The following CLHC1 variants were observed in gnomAD, a reference collection of about 807,000 sequenced individuals.
The protein encoded by CLHC1 is clathrin heavy chain linker domain-containing protein 1.
In CLHC1, 72 loss-of-function variants were observed where a neutral mutation model predicts 69.5. That is an observed-to-expected ratio of 1.04 (90% confidence interval 0.86 to 1.26). The LOEUF is 1.26. CLHC1 is among the 50% of genes most tolerant of loss of function. The probability of loss-of-function intolerance (pLI) is 0.00; values close to 1 mark genes in which losing one functional copy is unlikely to be tolerated. For synonymous variants in CLHC1, 223 were observed against 224.3 expected (o/e 0.99, Z 0.05); for missense variants, 790 against 679.3 (o/e 1.16, Z -1.81).
intron 9 of CLHC1, among the ~76,000 whole-genome samples, chr2:55,187,753 G>T (rs932076924): frequency 6.6e-6 from 1 of 152,072 alleles, no homozygotes; most frequent in African/African-American, 2.4e-5. Flanking sequence ...ATGACTTAGG[G>T]TAGGGAAGGA....
rs1478050755 is a variant in CLHC1, at chr2:55,174,132, G to A, written c.*1658C>T. 5.9e-5 allele frequency among the ~76,000 whole-genome samples: 9 copies of A among 151,956 alleles called. No individual in the cohort carries two copies. The highest frequency in any genetic ancestry group is 1.3e-4 in the Non-Finnish European group (9 of 68,022). ...ATCTGCTCTTTTCAACAGCCTGTAT[G>A]AAGGCCAAAAATCAAAATATTATTT... On this transcript the variant is annotated 3_prime_UTR_variant, in exon 13 of 13. Transcript: ENST00000401408.
At chr2:55,222,574 AG>A (rs1419986509) in intron 2 of CLHC1, 81 bp from the exon 3 acceptor site, 7 of 554,760 alleles carry the variant, frequency 1.3e-5, no homozygotes, top group Admixed American at 3.5e-5. Flanking sequence ...TATTTTTTTT[AG>A]AAAAAAATTT....
At chr2:55,213,175 G>C (rs1266061877) in intron 4 of CLHC1, among the ~76,000 whole-genome samples, 4 of 152,170 alleles carry the variant, frequency 2.6e-5, no homozygotes, top group Admixed American at 2.6e-4. Flanking sequence ...ACAAACAACA[G>C]AAATTTATTC....
intron 8 of CLHC1, 67 bp downstream of exon 8, chr2:55,208,558 GT>G: frequency 1.1e-6 from 1 of 934,796 alleles, no homozygotes; most frequent in South Asian, 1.4e-5. Flanking sequence ...TCCCAATCTG[GT>G]ATGTTATTCA....
At chr2:55,224,339 TG>T in intron 2 of CLHC1, 1 of 459,090 alleles carries the variant, frequency 2.2e-6, no homozygotes, top group Non-Finnish European at 4.5e-6. Flanking sequence ...CTCCACGCCT[TG>T]ACAGCTCCCT....
intron 9 of CLHC1, among the ~76,000 whole-genome samples, chr2:55,204,960 TTGGG>T (rs1192590372): frequency 2.0e-5 from 3 of 150,940 alleles, no homozygotes; most frequent in African/African-American, 7.3e-5. Context: ...GGTGGGGGAG[TTGGG>T]CTGTTTAATG....
intron 4 of CLHC1, among the ~76,000 whole-genome samples, chr2:55,214,226 T>G (rs1049821133): frequency 3.3e-5 from 5 of 152,146 alleles, no homozygotes; most frequent in Non-Finnish European, 5.9e-5. Flanking sequence ...AAAACAAGTT[T>G]GGGCTGGGCG....
At chr2:55,213,860 A>G (rs1673236420) in intron 4 of CLHC1, among the ~76,000 whole-genome samples, 4 of 152,232 alleles carry the variant, frequency 2.6e-5, no homozygotes, top group Admixed American at 2.6e-4. Flanking sequence ...GACATGGGCA[A>G]GTGGGAAGTG....
intron 1 of CLHC1, among the ~76,000 whole-genome samples, chr2:55,229,872 C>A (rs11125560): frequency 2.0e-5 from 3 of 152,212 alleles, no homozygotes; most frequent in East Asian, 1.9e-4. Context: ...TCGGGAGTTC[C>A]AGACCAGCCT....
At chr2:55,205,805 G>C (rs573781536) in intron 9 of CLHC1, 2 of 152,660 alleles carry the variant, frequency 1.3e-5, no homozygotes, top group Non-Finnish European at 2.9e-5. Flanking sequence ...TGAAACGGGA[G>C]AATCGTTTGA....
At chr2:55,221,120 T>A (rs1289145678) in intron 3 of CLHC1, among the ~76,000 whole-genome samples, 2 of 152,206 alleles carry the variant, frequency 1.3e-5, no homozygotes, top group Non-Finnish European at 2.9e-5. Context: ...TAGTGTGTAA[T>A]GTTTAAAAAT....
chr2:55,204,896 T>A (rs1352157600), intron 9 of CLHC1, among the ~76,000 whole-genome samples: 1 of 152,060 alleles, frequency 6.6e-6, no homozygotes. Context: ...ATTGAACTCA[T>A]GAACACAGTA....
At chr2:55,203,202 G>A (rs1462798675) in intron 9 of CLHC1, among the ~76,000 whole-genome samples, 4 of 152,278 alleles carry the variant, frequency 2.6e-5, no homozygotes, top group East Asian at 3.9e-4. Context: ...TCATGGATTG[G>A]AAGAATCAGT....
At position 55,175,458 on chromosome 2, in the gene CLHC1, C is replaced by T. The variant is rs1573567174; in HGVS notation, c.*332G>A. On this transcript the variant is annotated 3_prime_UTR_variant, in exon 13 of 13. Coordinates refer to ENST00000401408, the MANE Select transcript of CLHC1 (RefSeq NM_152385.4). ...CACAGGATACTACCCACACCTTCCT[C>T]AGTTCTTGCTATCATATTACATCAC... The T allele has an allele frequency of 4.5e-6, 1 of 219,908 alleles. No individual in the cohort carries two copies. Among genetic ancestry groups the T allele is most frequent in the East Asian group, 9.8e-5 (1 of 10,208 alleles). The allele number at this position is 219,908 out of a possible 1,614,324, so 13.6% of individuals were successfully genotyped here. A position where few individuals can be genotyped will look rare whatever the true frequency, so the allele number is the denominator to read the frequency against.
intron 8 of CLHC1, among the ~76,000 whole-genome samples, chr2:55,207,844 T>A (rs1444933179): frequency 2.0e-5 from 3 of 152,178 alleles, no homozygotes; most frequent in African/African-American, 7.2e-5. Context: ...TCTTGCTAAG[T>A]TGGTACACAG....
In CLHC1 at chr2:55,208,654, C is replaced by A; in HGVS notation, c.871G>T (p.Ala291Ser). 5 of 1,611,902 alleles carry A rather than the reference C, an allele frequency of 3.1e-6. No individual in the cohort carries two copies. The highest frequency in any genetic ancestry group is 3.4e-6 in the Non-Finnish European group (4 of 1,178,316). The change falls in exon 8 of 13, where the codon GCT (alanine) becomes TCT (serine). Residue 291 changes from alanine (A) to serine (S), a missense_variant. Ala to Ser is a moderately conservative substitution (Grantham distance 99). Transcript: ENST00000401408. Reference sequence around the variant, plus strand: ...TCAATGTAGTGAAGCATAATTTCAGCTTCTTTTGCCCTGCGTGGATCATCT... The same window carrying A: ...TCAATGTAGTGAAGCATAATTTCAGATTCTTTTGCCCTGCGTGGATCATCT... ...MEDDPRRAKE[A>S]EIMLHYIERF...
At chr2:55,232,077 T>G (rs963406967) in intron 1 of CLHC1, 146 bp downstream of exon 1, 9 of 152,688 alleles carry the variant, frequency 5.9e-5, no homozygotes, top group African/African-American at 1.9e-4. Context: ...TCTGGTAGAT[T>G]GCTGATTCTC....
chr2:55,210,468 T>C (rs533165536), intron 5 of CLHC1, among the ~76,000 whole-genome samples: 1 of 152,254 alleles, frequency 6.6e-6, no homozygotes, highest in South Asian at 2.1e-4. Flanking sequence ...AGTGCTGGGA[T>C]TACAGGTGTG....
intron 2 of CLHC1, chr2:55,225,013 G>A (rs1005250325): frequency 6.3e-6 from 1 of 157,692 alleles, no homozygotes; most frequent in African/African-American, 2.4e-5. Flanking sequence ...AGCAGCCACA[G>A]GCCCAGGGAG....
Sources: gnomAD v4.1 joint callset for allele counts (sites outside exome capture counted in the v4.1 genomes callset) on GRCh38, gnomAD v4.1.1 for gene constraint, MANE v1.5 for transcripts, NCBI Gene and HGNC (gene_info 2026-07-23, HGNC 2026-07-21) for gene names.